Variants in SERINC5 observed in about 807,000 individuals in gnomAD.
The protein encoded by SERINC5 is serine incorporator 5.
In SERINC5, 41 loss-of-function variants were observed where a neutral mutation model predicts 63.1. That is an observed-to-expected ratio of 0.65 (90% CI 0.51 to 0.84). SERINC5 has a LOEUF of 0.84. Ranked by LOEUF, SERINC5 falls within the 40% of genes least tolerant of loss-of-function variation. The probability of loss-of-function intolerance (pLI) is 0.00; values close to 1 mark genes in which losing one functional copy is unlikely to be tolerated. For synonymous variants in SERINC5, 222 were observed against 215.2 expected (o/e 1.03, Z -0.28); for missense variants, 523 against 573.0 (o/e 0.91, Z 0.89).
At chr5:80,199,199 C>A (rs890194395) in intron 2 of SERINC5, among the ~76,000 whole-genome samples, 5 of 152,216 alleles carry the variant, frequency 3.3e-5, no homozygotes, top group African/African-American at 1.2e-4. Flanking sequence ...TCTCTAGTCA[C>A]ACAGCCTCGT....
At chr5:80,232,315 A>C (rs943799918) in intron 1 of SERINC5, among the ~76,000 whole-genome samples, 15 of 151,592 alleles carry the variant, frequency 9.9e-5, no homozygotes, top group Admixed American at 9.9e-4. Context: ...GAGGCAGGAG[A>C]ATGGCAAGAA....
Position 80,150,901 on chromosome 5 carries a change from T to C in SERINC5, c.1034A>G (p.Tyr345Cys). 2.5e-6 allele frequency: 4 copies of C among 1,612,916 alleles called. No individual in the cohort carries two copies. The highest frequency in any genetic ancestry group is 3.4e-6 in the Non-Finnish European group (4 of 1,178,884). The change falls in exon 9 of 12, where the codon TAC becomes TGC. Residue 345 changes from tyrosine to cysteine, a missense_variant. Physicochemically the swap from Tyr to Cys is radical, Grantham distance 194. Coordinates refer to ENST00000507668, the MANE Select transcript of SERINC5 (RefSeq NM_001174072.3). ...RSSSDALQGR[Y>C]AAPELEIARC... ...ACTTACCTCCAATTCAGGAGCTGCG[T>C]ATCGCCCCTGCAGAGCGTCAGAACT...
intron 11 of SERINC5, chr5:80,116,266 TC>T (rs1265584951): frequency 2.2e-6 from 1 of 455,648 alleles, no homozygotes; most frequent in East Asian, 6.9e-5. Flanking sequence ...GATGTTTCCA[TC>T]CCCTCTTGCA....
At chr5:80,234,629 G>A (rs1751603195) in intron 1 of SERINC5, among the ~76,000 whole-genome samples, 1 of 152,140 alleles carries the variant, frequency 6.6e-6, no homozygotes, top group South Asian at 2.1e-4. Flanking sequence ...AAGCTTTAAA[G>A]TTGTTGAATG....
chr5:80,118,008 G>C (rs1285106351), intron 11 of SERINC5, among the ~76,000 whole-genome samples: 1 of 150,736 alleles, frequency 6.6e-6, no homozygotes, highest in African/African-American at 2.5e-5. Context: ...TTTGAGACCA[G>C]CCTGGTCAAC....
In SERINC5 at chr5:80,141,447, G is replaced by A; in HGVS notation, c.*2216C>T. 2.0e-6 allele frequency: 2 copies of A among 985,460 alleles called. No individual in the cohort carries two copies. The highest frequency in any genetic ancestry group is 4.7e-5 in the South Asian group (1 of 21,292). The allele number at this position is 985,460 out of a possible 1,614,324, so 61.0% of individuals were successfully genotyped here. A position where few individuals can be genotyped will look rare whatever the true frequency, so the allele number is the denominator to read the frequency against. On this transcript the variant is annotated 3_prime_UTR_variant, in exon 12 of 12. Transcript: ENST00000507668. ...TACAAGGCCTTGTCAGCTGGACCTT[G>A]ACTGCGCGTAAGGTCAGTTTCTCAA... is the stretch of plus-strand genomic sequence containing the variant.
intron 2 of SERINC5, among the ~76,000 whole-genome samples, chr5:80,182,120 G>A (rs977241597): frequency 6.6e-6 from 1 of 152,192 alleles, no homozygotes; most frequent in Non-Finnish European, 1.5e-5. Context: ...ATGAGTGGAT[G>A]AGAAGTACTA....
chr5:80,194,298 T>C (rs1370942906), intron 2 of SERINC5, among the ~76,000 whole-genome samples: 8 of 150,894 alleles, frequency 5.3e-5, no homozygotes, highest in Admixed American at 5.2e-4. Flanking sequence ...AATGTGCCTA[T>C]GCCAGCCCCT....
At chr5:80,120,069 A>C (rs1744483188) in intron 11 of SERINC5, among the ~76,000 whole-genome samples, 1 of 152,136 alleles carries the variant, frequency 6.6e-6, no homozygotes, top group Admixed American at 6.5e-5. Flanking sequence ...TCTTCTATAA[A>C]GGGGGGGCTA....
Position 80,140,522 on chromosome 5 carries a change from C to T in SERINC5, c.*3141G>A. On this transcript the variant is annotated 3_prime_UTR_variant, in exon 12 of 12. Transcript: ENST00000507668. ...CTCCCCTTCAAAGAGGCTCCAAATA[C>T]CTCTGGCAAATAATTTCTTTTTCAG... 1 of 910,812 alleles carries T rather than the reference C, an allele frequency of 1.1e-6. No homozygotes were observed. The highest frequency in any genetic ancestry group is 1.3e-6 in the Non-Finnish European group (1 of 768,136). The allele number at this position is 910,812 out of a possible 1,614,324, so 56.4% of individuals were successfully genotyped here.
In SERINC5 at chr5:80,144,732, C is replaced by T. The variant is rs988735670; in HGVS notation, c.1239-922G>A. Among the ~76,000 whole-genome samples, 27 of 152,332 alleles carry T rather than the reference C, an allele frequency of 1.8e-4. 1 individual carries two copies. Among genetic ancestry groups the T allele is most frequent in the Admixed American group, 1.2e-3 (19 of 15,308 alleles). On this transcript the variant is annotated intron_variant, in intron 11 of 11. Coordinates refer to ENST00000507668, the MANE Select transcript of SERINC5 (RefSeq NM_001174072.3). ...TTATTTTTCTCCCCAATACTCATCA[C>T]CATCTAACACACCATATTTGACTTG...
chr5:80,186,319 G>A (rs1157536154), intron 2 of SERINC5, among the ~76,000 whole-genome samples: 2 of 151,910 alleles, frequency 1.3e-5, no homozygotes, highest in Non-Finnish European at 2.9e-5. Flanking sequence ...TGTATTTTTA[G>A]TAGATATGGG....
chr5:80,160,436 G>GT (rs1746807196), intron 7 of SERINC5, among the ~76,000 whole-genome samples: 1 of 152,152 alleles, frequency 6.6e-6, no homozygotes, highest in Non-Finnish European at 1.5e-5. Flanking sequence ...GTAACATAAA[G>GT]TAACACTCTA....
intron 11 of SERINC5, among the ~76,000 whole-genome samples, chr5:80,118,871 G>GA (rs1477530648): frequency 6.6e-6 from 1 of 151,962 alleles, no homozygotes; most frequent in Non-Finnish European, 1.5e-5. Flanking sequence ...CTTCATTCAT[G>GA]AAGGTTCTAT....
chr5:80,251,150 G>A (rs189287624), intron 1 of SERINC5, among the ~76,000 whole-genome samples: 1 of 152,102 alleles, frequency 6.6e-6, no homozygotes, highest in Non-Finnish European at 1.5e-5. Flanking sequence ...ATGGTAGAAC[G>A]CACCTGTAGT....
chr5:80,168,302 C>T (rs1747434085), intron 6 of SERINC5, among the ~76,000 whole-genome samples: 2 of 152,034 alleles, frequency 1.3e-5, no homozygotes, highest in Non-Finnish European at 2.9e-5. Context: ...TCAAGCAATT[C>T]TCCTGCCTCT....
intron 2 of SERINC5, among the ~76,000 whole-genome samples, chr5:80,190,136 G>A (rs1462888493): frequency 7.4e-6 from 1 of 135,154 alleles, no homozygotes; most frequent in Non-Finnish European, 1.6e-5. Flanking sequence ...TTTTGAGACA[G>A]GGTCTCACTC....
intron 8 of SERINC5, among the ~76,000 whole-genome samples, chr5:80,151,582 G>C (rs539924963): frequency 6.6e-6 from 1 of 152,148 alleles, no homozygotes; most frequent in South Asian, 2.1e-4. Context: ...TGAGAGGAAG[G>C]GGTGGAAGGA....
intron 1 of SERINC5, among the ~76,000 whole-genome samples, chr5:80,239,752 A>G (rs1452252210): frequency 6.6e-6 from 1 of 152,160 alleles, no homozygotes; most frequent in African/African-American, 2.4e-5. Context: ...TACAGCCTTG[A>G]GAAGCCAGCA....
Sources: allele counts gnomAD v4.1 joint callset (sites outside exome capture counted in the v4.1 genomes callset), GRCh38; gene constraint gnomAD v4.1.1; transcripts MANE v1.5; gene names NCBI Gene and HGNC (gene_info 2026-07-23, HGNC 2026-07-21).